Variants in DPP10 observed in about 807,000 individuals in gnomAD.
DPP10 encodes inactive dipeptidyl peptidase 10.
In DPP10, 33 loss-of-function variants were observed where a neutral mutation model predicts 120.9. The ratio of observed to expected loss-of-function variants is 0.27; its 90% CI spans 0.21 to 0.37. The LOEUF is 0.37. DPP10 is among the 10% of genes least tolerant of loss of function. DPP10 has a pLI of 1.00. For missense variants in DPP10, 816 were observed against 942.8 expected (o/e 0.87, Z 1.76); for synonymous variants, 337 against 326.1 (o/e 1.03, Z -0.36).
At chr2:115,825,889 A>G (rs1056266945) in intron 21 of DPP10, among the ~76,000 whole-genome samples, 5 of 152,244 alleles carry the variant, frequency 3.3e-5, no homozygotes, top group Admixed American at 2.0e-4. Context: ...AAGTGTCCCA[A>G]TGAGCTGGGC....
chr2:114,905,560 A>G lies in DPP10; in HGVS notation c.61-403679A>G, dbSNP rs193126903. On this transcript the variant is annotated intron_variant, in intron 1 of 25. Transcript: ENST00000410059. ...CTTGTGTCATGGGGGTTTGTTATACAGATTATTTCATCACCCAGGTTTTTA... is the reference window on the plus strand; with the variant it reads ...CTTGTGTCATGGGGGTTTGTTATACGGATTATTTCATCACCCAGGTTTTTA... Among the ~76,000 whole-genome samples, 14 of 152,296 alleles carry G rather than the reference A, an allele frequency of 9.2e-5. No individual in the cohort carries two copies. The East Asian group carries it at 2.3e-3, about 25-fold the overall frequency.
intron 5 of DPP10, among the ~76,000 whole-genome samples, chr2:115,631,003 G>A (rs1046337618): frequency 6.8e-6 from 1 of 147,848 alleles, no homozygotes; most frequent in Non-Finnish European, 1.5e-5. Context: ...TGTACTTCTG[G>A]TAGAATTCAG....
intron 1 of DPP10, among the ~76,000 whole-genome samples, chr2:114,925,464 TG>T: frequency 6.6e-6 from 1 of 152,322 alleles, no homozygotes; most frequent in East Asian, 1.9e-4. Flanking sequence ...TTTTTGCATG[TG>T]TTCAGACTTA....
chr2:115,085,472 A>G (rs1013024878), intron 1 of DPP10, among the ~76,000 whole-genome samples: 6 of 152,224 alleles, frequency 3.9e-5, no homozygotes, highest in African/African-American at 1.4e-4. Flanking sequence ...GTTGTTCCCA[A>G]ATTTCAATAA....
intron 11 of DPP10, among the ~76,000 whole-genome samples, chr2:115,754,318 T>C (rs1365883423): frequency 6.6e-6 from 1 of 152,142 alleles, no homozygotes; most frequent in East Asian, 1.9e-4. Flanking sequence ...CCTTAAGTAT[T>C]AGGCTCAATG....
At chr2:114,660,118 C>G (rs1573907045) in intron 1 of DPP10, among the ~76,000 whole-genome samples, 2 of 152,186 alleles carry the variant, frequency 1.3e-5, no homozygotes, top group South Asian at 4.1e-4. Flanking sequence ...TGGTAGAGCA[C>G]AGAAGAAGCT....
Position 115,768,340 on chromosome 2 carries a change from T to C in DPP10, c.1157T>C (p.Met386Thr), listed in dbSNP as rs1331032687. The C allele has an allele frequency of 1.9e-6, 3 of 1,613,634 alleles. No homozygotes were observed. Reference sequence around the variant, plus strand: ...TCTAGAGACGGCAGCAAATTCTTTATGACAGTGCCTGTTAAGCAAGGGGGA... The same window carrying C: ...TCTAGAGACGGCAGCAAATTCTTTACGACAGTGCCTGTTAAGCAAGGGGGA... ...VFSRDGSKFF[M>T]TVPVKQGGRG... Residue 386 changes from methionine to threonine, a missense_variant, in exon 13 of 26, where the codon ATG becomes ACG. By Grantham distance (81) the Met-to-Thr change is moderately conservative. Coordinates refer to ENST00000410059, the MANE Select transcript of DPP10 (RefSeq NM_020868.6).
intron 1 of DPP10, among the ~76,000 whole-genome samples, chr2:115,064,345 A>G (rs1406840064): frequency 6.6e-6 from 1 of 152,192 alleles, no homozygotes; most frequent in African/African-American, 2.4e-5. Flanking sequence ...ACAGCAAAGC[A>G]GGGAAGAAGG....
At chr2:115,312,354 A>G (rs140134099) in intron 2 of DPP10, among the ~76,000 whole-genome samples, 1,602 of 152,250 alleles carry the variant, frequency 0.011, 26 homozygotes, top group African/African-American at 0.037. Flanking sequence ...GCAAAATGGC[A>G]GTGTAGTCGC....
chr2:115,643,973 C>T (rs1353448043), intron 5 of DPP10, among the ~76,000 whole-genome samples: 1 of 152,090 alleles, frequency 6.6e-6, no homozygotes, highest in African/African-American at 2.4e-5. Flanking sequence ...ACTTTCCTGT[C>T]ATTGCCATAA....
chr2:114,907,178 G>A (rs1160201951), intron 1 of DPP10, among the ~76,000 whole-genome samples: 1 of 151,812 alleles, frequency 6.6e-6, no homozygotes, highest in Admixed American at 6.6e-5. Context: ...AGTAATTTTA[G>A]CAATGTAAGT....
At chr2:114,768,834 T>A (rs1680983168) in intron 1 of DPP10, among the ~76,000 whole-genome samples, 1 of 152,206 alleles carries the variant, frequency 6.6e-6, no homozygotes. Context: ...GATAAAATAT[T>A]GAATGTTCCA....
At chr2:115,550,521 A>G (rs1379648030) in intron 5 of DPP10, among the ~76,000 whole-genome samples, 1 of 152,176 alleles carries the variant, frequency 6.6e-6, no homozygotes. Context: ...CTCACAACCC[A>G]GAAATATCCC....
At chr2:115,239,025 A>G (rs969714004) in intron 1 of DPP10, among the ~76,000 whole-genome samples, 3 of 152,132 alleles carry the variant, frequency 2.0e-5, no homozygotes, top group Non-Finnish European at 4.4e-5. Flanking sequence ...GGCTAAGCCA[A>G]TCTAGCCTTT....
intron 7 of DPP10, among the ~76,000 whole-genome samples, chr2:115,690,469 G>A (rs1358875171): frequency 1.3e-5 from 2 of 152,196 alleles, no homozygotes; most frequent in African/African-American, 4.8e-5. Flanking sequence ...CATCCAGGCT[G>A]GAGTGAGATC....
At chr2:115,740,334 G>A (rs1393629295) in intron 9 of DPP10, among the ~76,000 whole-genome samples, 1 of 151,950 alleles carries the variant, frequency 6.6e-6, no homozygotes, top group Non-Finnish European at 1.5e-5. Context: ...AGCACTTAAT[G>A]TGCTATATGT....
intron 4 of DPP10, among the ~76,000 whole-genome samples, chr2:115,523,541 T>C (rs2077949162): frequency 6.6e-6 from 1 of 152,056 alleles, no homozygotes; most frequent in Non-Finnish European, 1.5e-5. Flanking sequence ...TGGAATTTTC[T>C]AATCCCTGTA....
intron 5 of DPP10, among the ~76,000 whole-genome samples, chr2:115,570,054 C>T (rs954853997): frequency 2.6e-5 from 4 of 152,128 alleles, no homozygotes; most frequent in African/African-American, 7.2e-5. Flanking sequence ...GAAGGCTGAT[C>T]GTCAAAGAAA....
chr2:114,889,976 T>C (rs1396774345), intron 1 of DPP10, among the ~76,000 whole-genome samples: 2 of 152,214 alleles, frequency 1.3e-5, no homozygotes, highest in Admixed American at 6.5e-5. Flanking sequence ...CTAGATACAA[T>C]TCCACAAATG....
Sources: gnomAD v4.1 joint callset for allele counts (sites outside exome capture counted in the v4.1 genomes callset) on GRCh38, gnomAD v4.1.1 for gene constraint, MANE v1.5 for transcripts, NCBI Gene and HGNC (gene_info 2026-07-23, HGNC 2026-07-21) for gene names.